The following MICU1 variants were observed in gnomAD, a reference collection of about 807,000 sequenced individuals.
MICU1 encodes the protein calcium uptake protein 1, mitochondrial.
In MICU1, 45 loss-of-function variants were observed where a neutral mutation model predicts 56.8. The ratio of observed to expected loss-of-function variants is 0.79; its 90% CI spans 0.62 to 1.02. MICU1 has a LOEUF of 1.02. MICU1 is among the 50% of genes least tolerant of loss of function. The pLI, the probability that MICU1 is intolerant of heterozygous loss-of-function variation, is 0.00. For synonymous variants in MICU1, 186 were observed against 195.1 expected, an observed-to-expected ratio of 0.95 and a Z score of 0.39; for missense variants, 504 against 587.1, an observed-to-expected ratio of 0.86 and a Z score of 1.46.
chr10:72,608,030 T>C (rs1028157430), intron 1 of MICU1, among the ~76,000 whole-genome samples: 2 of 152,152 alleles, frequency 1.3e-5, no homozygotes. Context: ...ATTTTGTTTT[T>C]CTTACACAGA....
chr10:72,600,865 C>T (rs776948323), intron 1 of MICU1, among the ~76,000 whole-genome samples: 2 of 152,150 alleles, frequency 1.3e-5, no homozygotes, highest in African/African-American at 4.8e-5. Flanking sequence ...GGTCTTAGAA[C>T]ATATCCCCCC....
intron 8 of MICU1, among the ~76,000 whole-genome samples, chr10:72,433,070 TGGGATTACA>T (rs1489439625): frequency 1.3e-5 from 2 of 152,062 alleles, no homozygotes; most frequent in Non-Finnish European, 2.9e-5. Context: ...CCCGAGTAGC[TGGGATTACA>T]GGTCTGCACC....
intron 8 of MICU1, among the ~76,000 whole-genome samples, chr10:72,427,081 G>A (rs1255747629): frequency 6.6e-6 from 1 of 152,218 alleles, no homozygotes; most frequent in Non-Finnish European, 1.5e-5. Context: ...CAGCATGTGT[G>A]TATTCCAGCA....
At chr10:72,562,733 A>T (rs1479423682) in intron 3 of MICU1, 162 bp downstream of exon 3, 7 of 558,420 alleles carry the variant, frequency 1.3e-5, no homozygotes, top group Non-Finnish European at 2.0e-5. Context: ...TTAACCTCAC[A>T]TTCCAAGAGT....
Position 72,446,918 on chromosome 10 carries a change from G to A in MICU1, c.934-23547C>T, listed in dbSNP as rs563839134. Among the ~76,000 whole-genome samples, 4 of 152,184 alleles carry A rather than the reference G, an allele frequency of 2.6e-5. No individual in the cohort carries two copies. The South Asian group carries it at 8.3e-4, about 32-fold the overall frequency. ...TCTGTTAACTTTAGCTCTATTTAAA[G>A]AGAAATAAACTTTCTGTCTTCTACA... is the stretch of plus-strand genomic sequence containing the variant. On this transcript the variant is annotated intron_variant, in intron 8 of 11. Transcript: ENST00000361114.
At chr10:72,460,599 A>G (rs1046988735) in intron 8 of MICU1, among the ~76,000 whole-genome samples, 1 of 152,202 alleles carries the variant, frequency 6.6e-6, no homozygotes, top group African/African-American at 2.4e-5. Flanking sequence ...GATGTAATTT[A>G]TGACCCTTTA....
At chr10:72,509,373 G>A (rs1449922354) in intron 5 of MICU1, 3 of 1,335,326 alleles carry the variant, frequency 2.2e-6, no homozygotes, top group Non-Finnish European at 3.0e-6. Context: ...CCAGCATCCA[G>A]TTACACAACT....
At position 72,454,797 on chromosome 10, in the gene MICU1, AAC is replaced by A. The variant is rs1400782070; in HGVS notation, c.933+20301_933+20302del. Among the ~76,000 whole-genome samples the A allele has an allele frequency of 2.4e-3, 322 of 136,592 alleles. 3 individuals carry two copies. Among genetic ancestry groups the A allele is most frequent in the African/African-American group, 7.5e-3 (260 of 34,644 alleles). 89.6% of individuals were successfully genotyped at this position (136,592 alleles called of 152,430 possible). On this transcript the variant is annotated intron_variant, in intron 8 of 11. Transcript: ENST00000361114. The stretch of plus-strand genomic sequence containing the variant: ...AACTCCATCTCAAAAAAAAAAAAAA[AAC>A]AAAAAACAAAAAATATAAAACAAAA...
At chr10:72,556,672 A>G (rs1840166285) in intron 3 of MICU1, among the ~76,000 whole-genome samples, 2 of 152,170 alleles carry the variant, frequency 1.3e-5, no homozygotes, top group Non-Finnish European at 2.9e-5. Flanking sequence ...GGTCAAAATA[A>G]GTCCCCAAAT....
At chr10:72,534,510 A>G (rs536623684) in intron 4 of MICU1, among the ~76,000 whole-genome samples, 3 of 152,316 alleles carry the variant, frequency 2.0e-5, no homozygotes, top group Non-Finnish European at 4.4e-5. Context: ...TACGGATATA[A>G]TAATTAACAT....
chr10:72,500,835 T>C (rs1867046466), intron 6 of MICU1, among the ~76,000 whole-genome samples: 1 of 152,194 alleles, frequency 6.6e-6, no homozygotes, highest in South Asian at 2.1e-4. Flanking sequence ...AGTCAATAAA[T>C]AATATTTAGC....
chr10:72,612,632 C>CA (rs1412244230), intron 1 of MICU1, among the ~76,000 whole-genome samples: 5 of 151,908 alleles, frequency 3.3e-5, no homozygotes, highest in South Asian at 2.1e-4. Flanking sequence ...CCCTGTCTCA[C>CA]AAAAAACAAT....
At chr10:72,606,167 A>T (rs1222137094) in intron 1 of MICU1, among the ~76,000 whole-genome samples, 2 of 151,808 alleles carry the variant, frequency 1.3e-5, no homozygotes, top group Non-Finnish European at 2.9e-5. Flanking sequence ...AAAATGTTAC[A>T]TAACTATGTA....
intron 7 of MICU1, 150 bp downstream of exon 7, chr10:72,477,024 C>A: frequency 1.9e-6 from 1 of 530,668 alleles, no homozygotes; most frequent in Non-Finnish European, 3.3e-6. Context: ...CCCACCTGTT[C>A]AAAGAATAAT....
intron 2 of MICU1, among the ~76,000 whole-genome samples, chr10:72,565,903 T>C (rs1257650872): frequency 1.3e-5 from 2 of 152,108 alleles, no homozygotes; most frequent in African/African-American, 2.4e-5. Flanking sequence ...AGACTGTGGC[T>C]CACTACATTT....
chr10:72,372,277 G>A (rs937235224), intron 11 of MICU1, among the ~76,000 whole-genome samples: 2 of 151,942 alleles, frequency 1.3e-5, no homozygotes, highest in Non-Finnish European at 2.9e-5. Flanking sequence ...TTGAGGTGAG[G>A]GGATCACTTG....
intron 9 of MICU1, among the ~76,000 whole-genome samples, chr10:72,408,912 T>C (rs767078483): frequency 6.6e-5 from 10 of 152,206 alleles, no homozygotes; most frequent in Non-Finnish European, 1.5e-4. Flanking sequence ...CCACTTAACT[T>C]TAATCTAATG....
At chr10:72,461,018 T>C (rs1865623850) in intron 8 of MICU1, among the ~76,000 whole-genome samples, 1 of 152,098 alleles carries the variant, frequency 6.6e-6, no homozygotes, top group Admixed American at 6.6e-5. Context: ...TGGACATCAT[T>C]TTGTCCAAGC....
At chr10:72,432,744 T>A (rs1044782423) in intron 8 of MICU1, among the ~76,000 whole-genome samples, 7 of 152,186 alleles carry the variant, frequency 4.6e-5, no homozygotes, top group Non-Finnish European at 5.9e-5. Context: ...AGGCCATTCA[T>A]GAGGGATCCA....
Sources: gnomAD v4.1 joint callset for allele counts (sites outside exome capture counted in the v4.1 genomes callset) on GRCh38, gnomAD v4.1.1 for gene constraint, MANE v1.5 for transcripts, NCBI Gene and HGNC (gene_info 2026-07-23, HGNC 2026-07-21) for gene names.